The following PGGT1B variants were observed in gnomAD, a reference collection of about 807,000 sequenced individuals.
PGGT1B encodes the protein protein geranylgeranyltransferase type I subunit beta.
A neutral mutation model predicts 46.1 loss-of-function variants in PGGT1B; 30 were observed. The observed-to-expected ratio is 0.65, with a 90% CI of 0.49 to 0.88. The LOEUF is 0.88. PGGT1B is among the 40% of genes least tolerant of loss of function. The pLI is 0.00. For missense variants in PGGT1B, 376 were observed against 455.9 expected (o/e 0.82, Z 1.60); for synonymous variants, 170 against 160.0 (o/e 1.06, Z -0.47).
intron 2 of PGGT1B, among the ~76,000 whole-genome samples, chr5:115,244,596 T>C (rs570060923): frequency 1.3e-5 from 2 of 151,774 alleles, no homozygotes; most frequent in African/African-American, 4.8e-5. Flanking sequence ...AATTCATTTA[T>C]CCTTTTTATT....
chr5:115,238,451 C>T (rs531876474), intron 3 of PGGT1B, among the ~76,000 whole-genome samples: 2 of 151,604 alleles, frequency 1.3e-5, no homozygotes, highest in Non-Finnish European at 2.9e-5. Flanking sequence ...CTACAACAGG[C>T]ACAAACCACC....
At position 115,213,027 on chromosome 5, in the gene PGGT1B, G is replaced by A. The variant is rs147059529; in HGVS notation, c.953-444C>T. 1.0e-3 allele frequency among the ~76,000 whole-genome samples: 158 copies of A among 151,954 alleles called. No individual in the cohort carries two copies. In the East Asian group the frequency reaches 0.013, roughly 12 times the overall value. On this transcript the variant is annotated intron_variant, in intron 8 of 8. Coordinates refer to ENST00000419445, the MANE Select transcript of PGGT1B (RefSeq NM_005023.4). ...CTGAATCTAAGTTGCAATATCCCTC[G>A]CTCCACGTTTTACCTCTGAAAGTTC... is the stretch of plus-strand genomic sequence containing the variant.
At position 115,262,826 on chromosome 5, in the gene PGGT1B, A is replaced by G; in HGVS notation, c.26T>C (p.Leu9Pro). The change falls in exon 1 of 9, where the codon CTA (leucine) becomes CCA (proline). Residue 9 changes from leucine to proline, a missense_variant. Leu to Pro is a moderately conservative substitution (Grantham distance 98, BLOSUM62 -3). This residue lies in a region of PGGT1B where 154 missense variants were observed against 142.3 expected (regional missense o/e 1.08). Transcript: ENST00000419445. MAATEDER[L>P]AGSGEGERLD... ...CCGCTCTCCCTCACCGCTCCCTGCT[A>G]GCCTCTCATCCTCAGTGGCCGCCAT... The G allele has an allele frequency of 6.2e-7, 1 of 1,612,438 alleles. No homozygotes were observed.
rs1175664742 is a variant in PGGT1B, at chr5:115,211,590, C to G, written c.*812G>C. On this transcript the variant is annotated 3_prime_UTR_variant, in exon 9 of 9. Transcript: ENST00000419445. ...CTAGATAAAAAAGATTGTTTTCTTCCTAGAAAGCAAAAAAAAAAAAAAAAA... is the reference window on the plus strand; with the variant it reads ...CTAGATAAAAAAGATTGTTTTCTTCGTAGAAAGCAAAAAAAAAAAAAAAAA... The G allele has an allele frequency of 2.6e-4, 25 of 95,692 alleles. No homozygotes were observed. Among genetic ancestry groups the G allele is most frequent in the African/African-American group, 9.9e-4 (24 of 24,254 alleles). 5.9% of individuals were successfully genotyped at this position (95,692 alleles called of 1,614,324 possible). A position where few individuals can be genotyped will look rare whatever the true frequency, so the allele number is the denominator to read the frequency against.
rs561281935 is a variant in PGGT1B, at chr5:115,210,184, T to C, written c.*2218A>G. On this transcript the variant is annotated 3_prime_UTR_variant, in exon 9 of 9. Transcript: ENST00000419445. ...ATGCTCAAAATAAAGCTCCTCCTCCTACCTTCTAAAAAAAAAATGCCACAA... is the reference window on the plus strand; with the variant it reads ...ATGCTCAAAATAAAGCTCCTCCTCCCACCTTCTAAAAAAAAAATGCCACAA... The C allele has an allele frequency of 6.6e-6, 1 of 151,916 alleles. No homozygotes were observed. The highest frequency in any genetic ancestry group is 1.9e-4 in the East Asian group (1 of 5,186). The allele number at this position is 151,916 out of a possible 1,614,324, so 9.4% of individuals were successfully genotyped here.
At chr5:115,244,838 G>A (rs1348288806) in intron 2 of PGGT1B, among the ~76,000 whole-genome samples, 1 of 152,080 alleles carries the variant, frequency 6.6e-6, no homozygotes, top group East Asian at 1.9e-4. Flanking sequence ...TGATCTGCCT[G>A]TCTTGGCCTC....
chr5:115,216,145 C>CT (rs931103536), intron 8 of PGGT1B, among the ~76,000 whole-genome samples: 13 of 149,096 alleles, frequency 8.7e-5, no homozygotes, highest in Admixed American at 2.7e-4. Context: ...TATTTAATGA[C>CT]TTTTTTTTTT....
At chr5:115,256,117 G>A (rs1580782254) in intron 1 of PGGT1B, among the ~76,000 whole-genome samples, 2 of 152,252 alleles carry the variant, frequency 1.3e-5, no homozygotes, top group Non-Finnish European at 1.5e-5. Context: ...TTCTCTACTG[G>A]GAACACTGAC....
chr5:115,224,222 G>A (rs1380282026), intron 6 of PGGT1B, among the ~76,000 whole-genome samples: 1 of 152,042 alleles, frequency 6.6e-6, no homozygotes, highest in Admixed American at 6.6e-5. Flanking sequence ...TGATAACCAA[G>A]CCATGACTTC....
In PGGT1B at chr5:115,208,831, T is replaced by C. The variant is rs548049619; in HGVS notation, c.*3571A>G. The C allele has an allele frequency of 5.6e-4, 85 of 152,204 alleles. No homozygotes were observed. Among genetic ancestry groups the C allele is most frequent in the African/African-American group, 2.0e-3 (82 of 41,564 alleles). The allele number at this position is 152,204 out of a possible 1,614,324, so 9.4% of individuals were successfully genotyped here. On this transcript the variant is annotated 3_prime_UTR_variant, in exon 9 of 9. Transcript: ENST00000419445. ...TTTTATTGATAACTGTACTAATTAA[T>C]ATAAATTTCCTGTCATATTTGCATT...
chr5:115,224,107 A>G (rs116317637), intron 6 of PGGT1B, among the ~76,000 whole-genome samples: 8,827 of 85,812 alleles, frequency 0.1, 853 homozygotes, highest in African/African-American at 0.4. Flanking sequence ...GTGAATCAAA[A>G]GAAAAGCTAA....
chr5:115,237,914 T>C lies in PGGT1B; in HGVS notation c.423A>G (p.Arg141=). ...CCGCTAAGCAAGCTTCTTTATTTAC[T>C]CGGCTTAAGTCGTCTCCAAGAATAA... The part of the protein sequence containing the change: ...CLVILGDDLS[R]VNKEACLAGL... Residue 141 remains arginine (R), a synonymous_variant, in exon 4 of 9, where the codon CGA becomes CGG. Coordinates refer to ENST00000419445, the MANE Select transcript of PGGT1B (RefSeq NM_005023.4). 2 of 1,612,258 alleles carry C rather than the reference T, an allele frequency of 1.2e-6. No homozygotes were observed. Among genetic ancestry groups the C allele is most frequent in the Non-Finnish European group, 1.7e-6 (2 of 1,179,766 alleles).
chr5:115,252,940 C>G (rs1034620244), intron 2 of PGGT1B, 197 bp downstream of exon 2: 1 of 522,228 alleles, frequency 1.9e-6, no homozygotes, highest in Non-Finnish European at 3.3e-6. Context: ...CCAGATAACT[C>G]TAAATTGTTT....
At chr5:115,219,580 AAG>A (rs1756525395) in intron 7 of PGGT1B, among the ~76,000 whole-genome samples, 1 of 151,920 alleles carries the variant, frequency 6.6e-6, no homozygotes, top group African/African-American at 2.4e-5. Context: ...CAATCAATAA[AAG>A]AAAAATTTTG....
chr5:115,220,195 C>T (rs185464493), intron 7 of PGGT1B, among the ~76,000 whole-genome samples: 103 of 151,784 alleles, frequency 6.8e-4, no homozygotes, highest in Non-Finnish European at 9.7e-4. Flanking sequence ...GTGAAAACAA[C>T]GCAAGTGACT....
At chr5:115,250,035 T>C (rs1167002989) in intron 2 of PGGT1B, among the ~76,000 whole-genome samples, 2 of 152,144 alleles carry the variant, frequency 1.3e-5, no homozygotes, top group Non-Finnish European at 2.9e-5. Flanking sequence ...CTTTAACAAT[T>C]CTTTATAGTC....
rs1293981340 is a variant in PGGT1B at position 115,206,594 on chromosome 5, T to C, written c.*5808A>G. The C allele has an allele frequency of 6.6e-6, 1 of 152,084 alleles. No individual in the cohort carries two copies. Among genetic ancestry groups the C allele is most frequent in the Non-Finnish European group, 1.5e-5 (1 of 67,946 alleles). The allele number at this position is 152,084 out of a possible 1,614,324, so 9.4% of individuals were successfully genotyped here. A position where few individuals can be genotyped will look rare whatever the true frequency, so the allele number is the denominator to read the frequency against. On this transcript the variant is annotated 3_prime_UTR_variant, in exon 9 of 9. Transcript: ENST00000419445. ...ACAAAACTTTTCATTTATTCAACATTACGAATGCCTTCCAATATCCATACT... is the reference window on the plus strand; with the variant it reads ...ACAAAACTTTTCATTTATTCAACATCACGAATGCCTTCCAATATCCATACT...
intron 6 of PGGT1B, among the ~76,000 whole-genome samples, chr5:115,229,664 T>C (rs1462990221): frequency 6.6e-6 from 1 of 152,024 alleles, no homozygotes; most frequent in Non-Finnish European, 1.5e-5. Flanking sequence ...TTAGCCAGAG[T>C]GTACACTAAT....
chr5:115,216,713 T>C, intron 8 of PGGT1B, 152 bp downstream of exon 8: 1 of 632,672 alleles, frequency 1.6e-6, no homozygotes. Flanking sequence ...CCTAAATTTA[T>C]CCTAAGCTTA....
Sources: gnomAD v4.1 joint callset for allele counts (sites outside exome capture counted in the v4.1 genomes callset) on GRCh38, gnomAD v4.1.1 for gene constraint, gnomAD v4.1.1 regional missense constraint, MANE v1.5 for transcripts, NCBI Gene and HGNC (gene_info 2026-07-23, HGNC 2026-07-21) for gene names.